CD96: variants seen among roughly 807,000 people sequenced by gnomAD.
CD96 encodes T-cell surface protein tactile.
CD96 carries 70 observed loss-of-function variants against 71.3 expected under a neutral mutation model. The observed-to-expected ratio is 0.98, with a 90% CI of 0.81 to 1.20. CD96 has a LOEUF of 1.20. CD96 is among the 50% of genes most tolerant of loss of function. The pLI is 0.00. For missense variants in CD96, 742 were observed against 677.5 expected (o/e 1.10, Z -1.06); for synonymous variants, 248 against 233.0 (o/e 1.06, Z -0.59).
Position 111,664,411 on chromosome 3 carries a change from GA to G in CD96, c.*53-1107del, listed in dbSNP as rs373659694. On this transcript the variant is annotated intron_variant and NMD_transcript_variant, in intron 14 of 14. Transcript: ENST00000494798. ...CCTAAGTGAAGTAATGCAGGAACAG[GA>G]AAAAAAAATACCACGTGTTCTCACT... 1.8e-3 allele frequency among the ~76,000 whole-genome samples: 266 copies of G among 150,940 alleles called. 2 individuals are homozygous for G. The highest frequency in any genetic ancestry group is 5.8e-3 in the African/African-American group (239 of 41,172).
At chr3:111,573,870 T>G (rs1936100618) in intron 3 of CD96, among the ~76,000 whole-genome samples, 1 of 152,228 alleles carries the variant, frequency 6.6e-6, no homozygotes, top group Admixed American at 6.5e-5. Flanking sequence ...ACCTCTTACC[T>G]GATGGCAGCT....
rs747846949 is a variant in CD96, at chr3:111,585,336, C to G, written c.765C>G (p.Ile255Met). Residue 255 changes from isoleucine to methionine, a missense_variant, in exon 5 of 14, where the codon ATC (isoleucine) becomes ATG (methionine). Transcript: ENST00000352690. ...TTTGCCTTTAAGCTAAACCAGAAATCCCTGTGATTGTGGAAAATAACTCCA... is the reference window on the plus strand; with the variant it reads ...TTTGCCTTTAAGCTAAACCAGAAATGCCTGTGATTGTGGAAAATAACTCCA... ...TTVKVFAKPEIPVIVENNSTD... is the reference protein window; with the variant it reads ...TTVKVFAKPEMPVIVENNSTD... 13 of 1,611,000 alleles carry G rather than the reference C, an allele frequency of 8.1e-6. No homozygotes were observed. Among genetic ancestry groups the G allele is most frequent in the Non-Finnish European group, 1.1e-5 (13 of 1,177,348 alleles).
chr3:111,621,587 G>A (rs1938521357), intron 8 of CD96, among the ~76,000 whole-genome samples: 1 of 152,208 alleles, frequency 6.6e-6, no homozygotes, highest in Admixed American at 6.5e-5. Context: ...GAGAACAAAA[G>A]CAAAGTCTTC....
intron 2 of CD96, among the ~76,000 whole-genome samples, chr3:111,562,512 G>A (rs766100855): frequency 2.7e-5 from 4 of 146,196 alleles, no homozygotes; most frequent in Non-Finnish European, 6.0e-5. Context: ...CCTTTGCAAT[G>A]CAAGGCCATT....
At chr3:111,662,225 A>G (rs1406770233) in intron 14 of CD96, among the ~76,000 whole-genome samples, 3 of 152,352 alleles carry the variant, frequency 2.0e-5, no homozygotes, top group Middle Eastern at 3.4e-3. Context: ...AAGGCTGCAC[A>G]GAGCAGTGGA....
At chr3:111,561,859 A>C (rs1455497664) in intron 2 of CD96, among the ~76,000 whole-genome samples, 1 of 150,796 alleles carries the variant, frequency 6.6e-6, no homozygotes, top group African/African-American at 2.4e-5. Context: ...GCAATCAGCG[A>C]GATTCCGTGG....
At position 111,638,611 on chromosome 3, in the gene CD96, A is replaced by G. The variant is rs372719091; in HGVS notation, c.1477+443A>G. Among the ~76,000 whole-genome samples, 15 of 152,336 alleles carry G rather than the reference A, an allele frequency of 9.8e-5. No homozygotes were observed. In the South Asian group the frequency reaches 2.7e-3, roughly 27 times the overall value. Reference sequence around the variant, plus strand: ...AACTAATATAATATTGTCATGCAAAATGTAATCCCTCTTTTATATCATAAG... The same window carrying G: ...AACTAATATAATATTGTCATGCAAAGTGTAATCCCTCTTTTATATCATAAG... On this transcript the variant is annotated intron_variant, in intron 12 of 13. Coordinates refer to ENST00000352690, the MANE Select transcript of CD96 (RefSeq NM_005816.5).
chr3:111,598,860 C>T (rs1371973042), intron 6 of CD96, among the ~76,000 whole-genome samples: 1 of 152,194 alleles, frequency 6.6e-6, no homozygotes, highest in African/African-American at 2.4e-5. Context: ...GCTGTCCCTG[C>T]CTGAACAACA....
intron 2 of CD96, among the ~76,000 whole-genome samples, chr3:111,565,702 T>C (rs1390773604): frequency 1.3e-5 from 2 of 151,550 alleles, no homozygotes; most frequent in Admixed American, 6.6e-5. Context: ...GACAGGGGTC[T>C]TTTTTTTCAA....
chr3:111,589,314 C>T (rs1936867236), intron 5 of CD96, among the ~76,000 whole-genome samples: 1 of 152,076 alleles, frequency 6.6e-6, no homozygotes, highest in African/African-American at 2.4e-5. Context: ...GTAATATGGG[C>T]TCAATCCAGA....
chr3:111,629,643 C>T (rs1938958572), intron 10 of CD96, among the ~76,000 whole-genome samples: 1 of 152,178 alleles, frequency 6.6e-6, no homozygotes, highest in Admixed American at 6.5e-5. Context: ...AGGACTTGAA[C>T]TCAGCTCTGG....
Position 111,583,317 on chromosome 3 carries a change from G to A in CD96, c.752-2006G>A, listed in dbSNP as rs185287309. Reference sequence around the variant, plus strand: ...TGTCCCTGTGGCTTTACAGGGTACAGCCTCCCTCCTGGCTGCTTTCACAGG... The same window carrying A: ...TGTCCCTGTGGCTTTACAGGGTACAACCTCCCTCCTGGCTGCTTTCACAGG... On this transcript the variant is annotated intron_variant, in intron 4 of 13. Coordinates refer to ENST00000352690, the MANE Select transcript of CD96 (RefSeq NM_005816.5). Among the ~76,000 whole-genome samples, 28 of 152,322 alleles carry A rather than the reference G, an allele frequency of 1.8e-4. No individual in the cohort carries two copies. The East Asian group carries it at 5.2e-3, about 28-fold the overall frequency.
intron 4 of CD96, among the ~76,000 whole-genome samples, chr3:111,580,128 G>A (rs1936399602): frequency 6.6e-6 from 1 of 152,194 alleles, no homozygotes; most frequent in African/African-American, 2.4e-5. Flanking sequence ...AGGCCCAGCT[G>A]GGGTGAGACC....
chr3:111,542,253 A>G lies in CD96; in HGVS notation c.5A>G (p.Glu2Gly). 2.5e-6 allele frequency: 4 copies of G among 1,613,142 alleles called. 1 individual carries two copies. Among genetic ancestry groups the G allele is most frequent in the Non-Finnish European group, 3.4e-6 (4 of 1,179,092 alleles). Reference sequence around the variant, plus strand: ...GTGTAAGGTGTTCAGAAGACAATGGAGAAAAAATGGAAATACTGTGCTGTC... The same window carrying G: ...GTGTAAGGTGTTCAGAAGACAATGGGGAAAAAATGGAAATACTGTGCTGTC... M[E>G]KKWKYCAVYY... Residue 2 changes from glutamate to glycine, a missense_variant, in exon 1 of 14, where the codon GAG becomes GGG. By Grantham distance (98) the Glu-to-Gly change is moderately conservative (BLOSUM62 -2). Coordinates refer to ENST00000352690, the MANE Select transcript of CD96 (RefSeq NM_005816.5).
intron 5 of CD96, among the ~76,000 whole-genome samples, chr3:111,586,173 TTATC>T (rs796785139): frequency 2.0e-5 from 3 of 152,326 alleles, no homozygotes; most frequent in African/African-American, 7.2e-5. Context: ...GTTATTATTA[TTATC>T]TGTGTTAATC....
At chr3:111,604,535 C>T (rs774095857) in intron 7 of CD96, among the ~76,000 whole-genome samples, 1 of 152,154 alleles carries the variant, frequency 6.6e-6, no homozygotes, top group Non-Finnish European at 1.5e-5. Context: ...CTATGTTTCC[C>T]CTCTGTCACA....
intron 10 of CD96, among the ~76,000 whole-genome samples, chr3:111,624,668 C>A (rs945714386): frequency 6.6e-6 from 1 of 152,188 alleles, no homozygotes; most frequent in South Asian, 2.1e-4. Context: ...CAGTGGGAAT[C>A]GAGAGTGAAG....
intron 14 of CD96, among the ~76,000 whole-genome samples, chr3:111,660,863 T>C (rs1177343539): frequency 1.3e-5 from 2 of 152,124 alleles, no homozygotes; most frequent in African/African-American, 2.4e-5. Flanking sequence ...TATAAAAAAA[T>C]TAACTCAAAA....
chr3:111,588,030 A>G (rs1043775404), intron 5 of CD96, among the ~76,000 whole-genome samples: 3 of 152,194 alleles, frequency 2.0e-5, no homozygotes, highest in Non-Finnish European at 4.4e-5. Context: ...GATGATTAAC[A>G]TTCAGCTCCT....
Sources: allele counts gnomAD v4.1 joint callset (sites outside exome capture counted in the v4.1 genomes callset), GRCh38; gene constraint gnomAD v4.1.1; transcripts MANE v1.5; gene names NCBI Gene and HGNC (gene_info 2026-07-23, HGNC 2026-07-21).